Variants in ERFE observed in about 807,000 individuals in gnomAD.
The protein encoded by ERFE is complement C1q tumor necrosis factor-related protein 15.
In ERFE, 25 loss-of-function variants were observed where a neutral mutation model predicts 26.6. That is an observed-to-expected ratio of 0.94 (90% confidence interval 0.69 to 1.31). The LOEUF is 1.31. Among genes scored for constraint, ERFE ranks in the 40% most tolerant of loss-of-function variants. ERFE has a pLI of 0.00. For synonymous variants in ERFE, 206 were observed against 204.5 expected, an observed-to-expected ratio of 1.01 and a Z score of -0.06; for missense variants, 447 against 440.2, an observed-to-expected ratio of 1.02 and a Z score of -0.14.
chr2:238,162,862 C>G, intron 3 of ERFE, 24 bp downstream of exon 3: 1 of 1,517,190 alleles, frequency 6.6e-7, no homozygotes, highest in Non-Finnish European at 8.9e-7. Context: ...CCGGCTGGGA[C>G]ACACACACCC....
chr2:238,168,550 CAACATCGAATCA>C lies in ERFE; in HGVS notation c.*1503_*1514del, dbSNP rs1268835079. 4.6e-6 allele frequency: 2 copies of C among 436,874 alleles called. No individual in the cohort carries two copies. Among genetic ancestry groups the C allele is most frequent in the African/African-American group, 2.0e-5 (1 of 48,786 alleles). 27.1% of individuals were successfully genotyped at this position (436,874 alleles called of 1,614,324 possible). ...CCCCAGGAGCCCAGCTTCCAAACCC[CAACATCGAATCA>C]AACATCTCCATCCCCAAGTGCAGTA... On this transcript the variant is annotated 3_prime_UTR_variant, in exon 8 of 8. Coordinates refer to ENST00000546354, the MANE Select transcript of ERFE (RefSeq NM_001291832.2).
intron 2 of ERFE, 144 bp downstream of exon 2, chr2:238,161,860 G>A (rs1692944433): frequency 1.6e-6 from 2 of 1,246,952 alleles, no homozygotes; most frequent in African/African-American, 1.5e-5. Flanking sequence ...GAGAACCCAG[G>A]CAGCCCCAGG....
chr2:238,159,047 C>A lies in ERFE; in HGVS notation c.40C>A (p.Leu14Ile). 1 of 258,544 alleles carries A rather than the reference C, an allele frequency of 3.9e-6. No individual in the cohort carries two copies. The highest frequency in any genetic ancestry group is 2.3e-5 in the African/African-American group (1 of 43,702). The allele number at this position is 258,544 out of a possible 1,614,324, so 16.0% of individuals were successfully genotyped here. The change falls in exon 1 of 8, where the codon CTC becomes ATC. Residue 14 changes from leucine to isoleucine, a missense_variant. Coordinates refer to ENST00000546354, the MANE Select transcript of ERFE (RefSeq NM_001291832.2). ...ARRPAGARLL[L>I]VYAGLLAAAA... ...CCGCCCCGCCGGAGCCCGCCTGCTGCTCGTCTACGCGGGCCTGCTGGCCGC... is the reference window on the plus strand; with the variant it reads ...CCGCCCCGCCGGAGCCCGCCTGCTGATCGTCTACGCGGGCCTGCTGGCCGC...
rs1472350068 is a variant in ERFE, at chr2:238,164,012, G to A, written c.687+13G>A. 8.7e-6 allele frequency: 12 copies of A among 1,374,218 alleles called. No homozygotes were observed. The highest frequency in any genetic ancestry group is 1.1e-5 in the Non-Finnish European group (12 of 1,070,618). 85.1% of individuals were successfully genotyped at this position (1,374,218 alleles called of 1,614,324 possible). A position where few individuals can be genotyped will look rare whatever the true frequency, so the allele number is the denominator to read the frequency against. ...CGTCTACTACCTGGTGAGTGCCGGC[G>A]CGCGGGAGGGCGGGTGAGTCCGGCC... On this transcript the variant is annotated intron_variant, in intron 4 of 7. Transcript: ENST00000546354.
At chr2:238,166,028 G>A (rs1693030421) in intron 7 of ERFE, among the ~76,000 whole-genome samples, 1 of 152,230 alleles carries the variant, frequency 6.6e-6, no homozygotes, top group Non-Finnish European at 1.5e-5. Context: ...AGGGACTGGT[G>A]CAGGGAGGGA....
chr2:238,159,781 T>C (rs1391761653), intron 1 of ERFE, among the ~76,000 whole-genome samples: 3 of 152,060 alleles, frequency 2.0e-5, no homozygotes, highest in Admixed American at 1.3e-4. Flanking sequence ...GGTGGTCCGG[T>C]TGGGGAGGTG....
At position 238,162,788 on chromosome 2, in the gene ERFE, C is replaced by T. The variant is rs1692958370; in HGVS notation, c.374C>T (p.Pro125Leu). The T allele has an allele frequency of 3.2e-6, 5 of 1,550,500 alleles. No homozygotes were observed. Among genetic ancestry groups the T allele is most frequent in the Non-Finnish European group, 4.4e-6 (5 of 1,146,944 alleles). The part of the protein sequence containing the change: ...GPPGPQGPPG[P>L]IIPPEALLKE... ...CCCGGTCCCCAGGGCCCCCCAGGCCCCATCATCCCACCCGAGGCGCTGCTG... is the reference window on the plus strand; with the variant it reads ...CCCGGTCCCCAGGGCCCCCCAGGCCTCATCATCCCACCCGAGGCGCTGCTG... Residue 125 changes from proline to leucine, a missense_variant, in exon 3 of 8, where the codon CCC (proline) becomes CTC (leucine). By Grantham distance (98) the Pro-to-Leu change is moderately conservative (BLOSUM62 -3). Transcript: ENST00000546354.
intron 6 of ERFE, among the ~76,000 whole-genome samples, chr2:238,165,385 C>G (rs1387234188): frequency 1.3e-5 from 2 of 152,258 alleles, no homozygotes; most frequent in Non-Finnish European, 2.9e-5. Flanking sequence ...CTGCCTCTTG[C>G]TGGGCCCTCG....
In ERFE at chr2:238,166,975, T is replaced by C; in HGVS notation, c.986T>C (p.Val329Ala). 1 of 1,550,562 alleles carries C rather than the reference T, an allele frequency of 6.4e-7. No individual in the cohort carries two copies. Among genetic ancestry groups the C allele is most frequent in the Non-Finnish European group, 8.7e-7 (1 of 1,147,006 alleles). Residue 329 changes from valine (V) to alanine (A), a missense_variant, in exon 8 of 8, where the codon GTG becomes GCG. Physicochemically the swap from Val to Ala is moderately conservative, Grantham distance 64. Transcript: ENST00000546354. ...LYLQMGQWTS[V>A]FLDNASGCSL... ...TTGCAGATGGGGCAGTGGACCTCCG[T>C]GTTCTTGGACAACGCCAGCGGCTGC...
intron 6 of ERFE, chr2:238,164,650 C>G (rs1460823106): frequency 4.8e-6 from 2 of 414,252 alleles, no homozygotes; most frequent in South Asian, 2.7e-5. Flanking sequence ...GTCAGGAGAT[C>G]GAGACCATCC....
In ERFE at chr2:238,166,856, C is replaced by T. The variant is rs13402691; in HGVS notation, c.967-100C>T. ...TCTGGGCCTGAGCCCTTCCCAAAAG[C>T]GGGGCTGAGTGGGCAGGAGGGAGTG... On this transcript the variant is annotated intron_variant, in intron 7 of 7. Transcript: ENST00000546354. 6.6e-3 allele frequency: 6,467 copies of T among 982,498 alleles called. 103 individuals carry two copies. Among genetic ancestry groups the T allele is most frequent in the African/African-American group, 0.046 (2,873 of 62,416 alleles). 60.9% of individuals were successfully genotyped at this position (982,498 alleles called of 1,614,324 possible). A position where few individuals can be genotyped will look rare whatever the true frequency, so the allele number is the denominator to read the frequency against.
At chr2:238,159,890 C>T (rs1448894599) in intron 1 of ERFE, among the ~76,000 whole-genome samples, 1 of 152,142 alleles carries the variant, frequency 6.6e-6, no homozygotes, top group Non-Finnish European at 1.5e-5. Flanking sequence ...CCGGGGTGGG[C>T]GGCCGGTGCT....
At chr2:238,162,943 C>T (rs1251605065) in intron 3 of ERFE, 105 bp downstream of exon 3, 1 of 842,766 alleles carries the variant, frequency 1.2e-6, no homozygotes, top group Non-Finnish European at 1.9e-6. Context: ...CGGCGGGCAC[C>T]CAAGGAGGCA....
In ERFE at chr2:238,167,171, C is replaced by T. The variant is rs3795905; in HGVS notation, c.*117C>T. The T allele has an allele frequency of 0.32, 344,202 of 1,060,614 alleles. 57,259 individuals are homozygous for T. The highest frequency in any genetic ancestry group is 0.38 in the South Asian group (28,623 of 74,510). The allele number at this position is 1,060,614 out of a possible 1,614,324, so 65.7% of individuals were successfully genotyped here. On this transcript the variant is annotated 3_prime_UTR_variant, in exon 8 of 8. Coordinates refer to ENST00000546354, the MANE Select transcript of ERFE (RefSeq NM_001291832.2). ...GGAGGAGGCCCACCCGGAACTCTGC[C>T]CACACTGGCCACTGCAGTTCAGCCC...
chr2:238,162,776 G>GC lies in ERFE; in HGVS notation c.368dup (p.Gly124ArgfsTer186), dbSNP rs779254148. 3 of 1,550,176 alleles carry GC rather than the reference G, an allele frequency of 1.9e-6. No homozygotes were observed. Among genetic ancestry groups the GC allele is most frequent in the South Asian group, 1.2e-5 (1 of 84,034 alleles). ...CCCCCTGGGCCTCCCGGTCCCCAGG[G>GC]CCCCCCAGGCCCCATCATCCCACCC... On this transcript the variant is annotated frameshift_variant, in exon 3 of 8. Transcript: ENST00000546354. LOFTEE classifies it high-confidence loss of function.
intron 2 of ERFE, among the ~76,000 whole-genome samples, chr2:238,162,513 C>G (rs891110124): frequency 6.6e-6 from 1 of 152,260 alleles, no homozygotes; most frequent in East Asian, 1.9e-4. Flanking sequence ...CCACTCAGAG[C>G]AGAGTCCTTC....
rs979291535 is a variant in ERFE at position 238,159,069 on chromosome 2, C to T, written c.62C>T (p.Ala21Val). 54 of 225,078 alleles carry T rather than the reference C, an allele frequency of 2.4e-4. No homozygotes were observed. The highest frequency in any genetic ancestry group is 3.9e-4 in the Non-Finnish European group (46 of 117,998). The allele number at this position is 225,078 out of a possible 1,614,324, so 13.9% of individuals were successfully genotyped here. A position where few individuals can be genotyped will look rare whatever the true frequency, so the allele number is the denominator to read the frequency against. Residue 21 changes from alanine (A) to valine (V), a missense_variant, in exon 1 of 8, where the codon GCC (alanine) becomes GTC (valine). Coordinates refer to ENST00000546354, the MANE Select transcript of ERFE (RefSeq NM_001291832.2). ...RLLLVYAGLL[A>V]AAAAGLGSPE... is the part of the protein sequence containing the mutation. ...CTGCTCGTCTACGCGGGCCTGCTGG[C>T]CGCCGCCGCCGCGGGCCTGGGGTCC...
In ERFE at chr2:238,163,900, G is replaced by T. The variant is rs964778763; in HGVS notation, c.588G>T (p.Gly196=). The T allele has an allele frequency of 3.3e-5, 44 of 1,317,764 alleles. No homozygotes were observed. The Admixed American group carries it at 5.0e-4, about 15-fold the overall frequency. The allele number at this position is 1,317,764 out of a possible 1,614,324, so 81.6% of individuals were successfully genotyped here. A position where few individuals can be genotyped will look rare whatever the true frequency, so the allele number is the denominator to read the frequency against. Reference sequence around the variant, plus strand: ...TGCTGGCCGCGCCCCTGGCCCCGGGGCCGCGGGCGCCGCGCGTGGAGGCCG... The same window carrying T: ...TGCTGGCCGCGCCCCTGGCCCCGGGTCCGCGGGCGCCGCGCGTGGAGGCCG... ...LALLAAPLAP[G]PRAPRVEAAF... The change falls in exon 4 of 8, where the codon GGG becomes GGT. Residue 196 remains glycine, a synonymous_variant. Coordinates refer to ENST00000546354, the MANE Select transcript of ERFE (RefSeq NM_001291832.2).
rs367947884 is a variant in ERFE, at chr2:238,165,314, C to G, written c.888-292C>G. Among the ~76,000 whole-genome samples the G allele has an allele frequency of 9.2e-5, 14 of 152,364 alleles. 1 individual carries two copies. Among genetic ancestry groups the G allele is most frequent in the Admixed American group, 7.8e-4 (12 of 15,312 alleles). ...GAACTAACTTAGCATCACCTGCCAC[C>G]ACATCCCCACTTCCGGCTGCATCAG... On this transcript the variant is annotated intron_variant, in intron 6 of 7. Transcript: ENST00000546354.
Sources: gnomAD v4.1 joint callset for allele counts (sites outside exome capture counted in the v4.1 genomes callset) on GRCh38, gnomAD v4.1.1 for gene constraint, MANE v1.5 for transcripts, NCBI Gene and HGNC (gene_info 2026-07-23, HGNC 2026-07-21) for gene names.